Variants in SAFB observed in about 807,000 individuals in gnomAD.
SAFB encodes the protein scaffold attachment factor B1.
Under a neutral mutation model 101.6 loss-of-function variants are expected in SAFB, and 15 were observed. The ratio of observed to expected loss-of-function variants is 0.15; its 90% confidence interval spans 0.10 to 0.23. SAFB has a LOEUF of 0.23. SAFB is among the 10% of genes least tolerant of loss of function. The pLI is 1.00. For missense variants in SAFB, 930 were observed against 1,104.1 expected, an observed-to-expected ratio of 0.84 and a Z score of 2.23; for synonymous variants, 449 against 407.5, an observed-to-expected ratio of 1.10 and a Z score of -1.23.
In SAFB at chr19:5,657,293, T is replaced by C. The variant is rs763768197; in HGVS notation, c.1808T>C (p.Val603Ala). The change falls in exon 14 of 21, where the codon GTG becomes GCG. Residue 603 changes from valine (V) to alanine (A), a missense_variant. Physicochemically the swap from Val to Ala is moderately conservative, Grantham distance 64. Around this residue, in one of 7 missense-constraint regions of SAFB, gnomAD observed 159 missense variants for 234.1 expected, o/e 0.68. Coordinates refer to ENST00000588852, the MANE Select transcript of SAFB (RefSeq NM_001201338.2). ...GCCAGCAGAGAGAAGCGGTCCGTCGTGTCCTTTGATAAGGTCAAGGAGCCT... is the reference window on the plus strand; with the variant it reads ...GCCAGCAGAGAGAAGCGGTCCGTCGCGTCCTTTGATAAGGTCAAGGAGCCT... ...KSASREKRSV[V>A]SFDKVKEPRK... The C allele has an allele frequency of 8.7e-6, 14 of 1,613,984 alleles. 1 individual carries two copies. The highest frequency in any genetic ancestry group is 8.3e-5 in the Admixed American group (5 of 59,992).
chr19:5,626,517 A>G, intron 2 of SAFB, 28 bp downstream of exon 2: 1 of 1,318,336 alleles, frequency 7.6e-7, no homozygotes, highest in Non-Finnish European at 1.1e-6. Context: ...AGCAAGTTTC[A>G]TGTTAAGTGC....
At chr19:5,664,001 C>G in intron 15 of SAFB, 21 bp from the exon 16 acceptor site, 1 of 1,612,160 alleles carries the variant, frequency 6.2e-7, no homozygotes, top group East Asian at 2.2e-5. Flanking sequence ...CCCTCTATCT[C>G]TGTCTCATGT....
intron 2 of SAFB, among the ~76,000 whole-genome samples, chr19:5,629,425 GAA>G (rs765021854): frequency 3.3e-5 from 5 of 151,670 alleles, no homozygotes; most frequent in Non-Finnish European, 7.4e-5. Context: ...GTGAGAGGGG[GAA>G]AAAAGTAAAT....
intron 13 of SAFB, 56 bp downstream of exon 13, chr19:5,654,512 T>C: frequency 9.7e-7 from 1 of 1,029,940 alleles, no homozygotes; most frequent in Non-Finnish European, 1.5e-6. Flanking sequence ...TTTGTATTTC[T>C]GTGTGCGTCT....
Position 5,623,114 on chromosome 19 carries a change from G to A in SAFB, c.-92G>A. 1.5e-6 allele frequency: 2 copies of A among 1,316,256 alleles called. No homozygotes were observed. Among genetic ancestry groups the A allele is most frequent in the Non-Finnish European group, 2.1e-6 (2 of 949,736 alleles). 81.5% of individuals were successfully genotyped at this position (1,316,256 alleles called of 1,614,324 possible). ...GAGGCGCGCTGGGGCGACTGGAGCG[G>A]TTCCCTCGCAGGCGGCGCCATTTTG... On this transcript the variant is annotated 5_prime_UTR_variant, in exon 1 of 21. Coordinates refer to ENST00000588852, the MANE Select transcript of SAFB (RefSeq NM_001201338.2).
chr19:5,668,257 G>A lies in SAFB; in HGVS notation c.2720G>A (p.Arg907Lys). ...GGFGGQSRGSRPSDARFTRRY is the reference protein window; with the variant it reads ...GGFGGQSRGSKPSDARFTRRY The stretch of plus-strand genomic sequence containing the variant: ...TTTGGAGGCCAGAGCCGGGGGAGCA[G>A]GCCCAGCGATGCCCGCTTCACTCGC... Residue 907 changes from arginine (R) to lysine (K), a missense_variant, in exon 21 of 21, where the codon AGG becomes AAG. Arg to Lys is a conservative substitution (Grantham distance 26, BLOSUM62 2). Transcript: ENST00000588852. The A allele has an allele frequency of 6.2e-7, 1 of 1,611,988 alleles. No individual in the cohort carries two copies.
intron 8 of SAFB, 57 bp downstream of exon 8, chr19:5,650,032 G>A (rs1461926183): frequency 3.6e-6 from 5 of 1,377,250 alleles, no homozygotes; most frequent in African/African-American, 1.4e-5. Context: ...GGCAGTGGCG[G>A]GTATTTGATT....
chr19:5,627,705 G>A (rs964338525), intron 2 of SAFB, among the ~76,000 whole-genome samples: 3 of 151,804 alleles, frequency 2.0e-5, no homozygotes, highest in African/African-American at 7.3e-5. Context: ...ACTTCGCTCC[G>A]CCCACCCTTC....
intron 8 of SAFB, 146 bp downstream of exon 8, chr19:5,650,121 C>G (rs1048338731): frequency 6.1e-6 from 4 of 656,572 alleles, no homozygotes; most frequent in Admixed American, 2.5e-5. Context: ...TCTGCTGTTA[C>G]CGCTACAGGT....
intron 20 of SAFB, 122 bp downstream of exon 20, chr19:5,668,008 G>A: frequency 6.3e-6 from 9 of 1,419,238 alleles, no homozygotes; most frequent in Non-Finnish European, 7.7e-6. Context: ...CGTGAGGCCA[G>A]GCATGGGGTA....
At chr19:5,638,615 G>A (rs926548122) in intron 2 of SAFB, among the ~76,000 whole-genome samples, 2 of 150,792 alleles carry the variant, frequency 1.3e-5, no homozygotes, top group Admixed American at 6.6e-5. Flanking sequence ...GAGCCACCAC[G>A]CCCAGCCTAA....
At chr19:5,664,786 A>G in intron 17 of SAFB, 2 of 282,690 alleles carry the variant, frequency 7.1e-6, no homozygotes, top group South Asian at 3.6e-5. Context: ...AGACAGGTGC[A>G]TCTGGGGAGG....
At chr19:5,643,938 T>G (rs892166389) in intron 4 of SAFB, among the ~76,000 whole-genome samples, 3 of 152,084 alleles carry the variant, frequency 2.0e-5, no homozygotes, top group African/African-American at 7.2e-5. Flanking sequence ...CTCCTTAACC[T>G]CTGCTCCTCA....
rs138922388 is a variant in SAFB at position 5,629,943 on chromosome 19, A to G, written c.274+3454A>G. On this transcript the variant is annotated intron_variant, in intron 2 of 20. Transcript: ENST00000588852. Reference sequence around the variant, plus strand: ...TGTAATCCAAGCTACTCAGGTGGCTAAGGCAAGAAGATAGCTTGAACCTGG... The same window carrying G: ...TGTAATCCAAGCTACTCAGGTGGCTGAGGCAAGAAGATAGCTTGAACCTGG... Among the ~76,000 whole-genome samples, 15 of 152,252 alleles carry G rather than the reference A, an allele frequency of 9.9e-5. No individual in the cohort carries two copies. The East Asian group carries it at 2.9e-3, about 29-fold the overall frequency.
chr19:5,639,485 G>A (rs1303425518), intron 2 of SAFB, among the ~76,000 whole-genome samples: 1 of 152,064 alleles, frequency 6.6e-6, no homozygotes, highest in Non-Finnish European at 1.5e-5. Flanking sequence ...CTGAGGTCAG[G>A]AGTTTGAGAC....
At chr19:5,643,404 A>T (rs2053763266) in intron 4 of SAFB, among the ~76,000 whole-genome samples, 1 of 152,178 alleles carries the variant, frequency 6.6e-6, no homozygotes. Context: ...AACTGATTCC[A>T]AGTATCCTTA....
At chr19:5,651,768 GTC>G (rs1222830905) in intron 9 of SAFB, among the ~76,000 whole-genome samples, 20 of 152,140 alleles carry the variant, frequency 1.3e-4, no homozygotes, top group Non-Finnish European at 2.9e-4. Context: ...AGGGCTCCTC[GTC>G]TCTCTCAGAG....
At chr19:5,655,438 A>G (rs1039969278) in intron 13 of SAFB, among the ~76,000 whole-genome samples, 5 of 143,268 alleles carry the variant, frequency 3.5e-5, no homozygotes, top group Non-Finnish European at 6.0e-5. Flanking sequence ...CTAGCCTGGG[A>G]GAGAGAGTGA....
intron 14 of SAFB, among the ~76,000 whole-genome samples, chr19:5,661,260 G>A (rs1298366905): frequency 1.3e-5 from 2 of 152,112 alleles, no homozygotes; most frequent in Non-Finnish European, 1.5e-5. Flanking sequence ...GAAATCACTT[G>A]TCAAGCTCCA....
Sources: allele counts gnomAD v4.1 joint callset (sites outside exome capture counted in the v4.1 genomes callset), GRCh38; gene constraint gnomAD v4.1.1; regional missense constraint gnomAD v4.1.1; transcripts MANE v1.5; gene names NCBI Gene and HGNC (gene_info 2026-07-23, HGNC 2026-07-21).